The following ADAM10 variants were observed in gnomAD, a reference collection of about 807,000 sequenced individuals.
ADAM10 encodes disintegrin and metalloproteinase domain-containing protein 10.
In ADAM10, 17 loss-of-function variants were observed where a neutral mutation model predicts 90.1. That is an observed-to-expected ratio of 0.19 (90% CI 0.13 to 0.28). The LOEUF is 0.28. Ranked by LOEUF, ADAM10 falls within the 10% of genes least tolerant of loss-of-function variation. The pLI, the probability that ADAM10 is intolerant of heterozygous loss-of-function variation, is 1.00. For synonymous variants in ADAM10, 310 were observed against 298.6 expected, an observed-to-expected ratio of 1.04 and a Z score of -0.40; for missense variants, 610 against 914.3, an observed-to-expected ratio of 0.67 and a Z score of 4.29.
chr15:58,629,175 A>C (rs1357513680), intron 9 of ADAM10: 1 of 152,230 alleles, frequency 6.6e-6, no homozygotes, highest in African/African-American at 2.4e-5. Flanking sequence ...AGTAAATATT[A>C]ATGAATGTCC....
chr15:58,641,021 T>C, intron 7 of ADAM10, 61 bp from the exon 8 acceptor site: 1 of 1,454,662 alleles, frequency 6.9e-7, no homozygotes, highest in East Asian at 2.3e-5. Context: ...AGTGTGAATG[T>C]CTGCTCACCT....
At chr15:58,629,508 G>A in intron 9 of ADAM10, 1 of 152,096 alleles carries the variant, frequency 6.6e-6, no homozygotes, top group Non-Finnish European at 1.5e-5. Flanking sequence ...AGAACATAAA[G>A]GCCATCTTGA....
At chr15:58,719,125 AC>A (rs1484310300) in intron 1 of ADAM10, among the ~76,000 whole-genome samples, 43 of 152,154 alleles carry the variant, frequency 2.8e-4, no homozygotes, top group African/African-American at 8.4e-4. Flanking sequence ...GGAGTTCGAG[AC>A]CAGCCTGACC....
chr15:58,597,763 T>C (rs1894997792), intron 15 of ADAM10, 122 bp from the exon 16 acceptor site: 5 of 964,088 alleles, frequency 5.2e-6, no homozygotes, highest in Non-Finnish European at 6.0e-6. Flanking sequence ...ATATGGGCCA[T>C]CAATGTAATT....
chr15:58,668,498 G>A lies in ADAM10; in HGVS notation c.485-3301C>T, dbSNP rs183309029. Reference sequence around the variant, plus strand: ...CTGAAAAGAAATATTGTTGCAGCCAGAGTAATAGGGCTGAGGCTTCTCCTG... The same window carrying A: ...CTGAAAAGAAATATTGTTGCAGCCAAAGTAATAGGGCTGAGGCTTCTCCTG... On this transcript the variant is annotated intron_variant, in intron 4 of 15. Coordinates refer to ENST00000260408, the MANE Select transcript of ADAM10 (RefSeq NM_001110.4). 1.5e-3 allele frequency among the ~76,000 whole-genome samples: 224 copies of A among 152,234 alleles called. 1 individual carries two copies. Among genetic ancestry groups the A allele is most frequent in the African/African-American group, 5.0e-3 (207 of 41,546 alleles).
At chr15:58,711,816 AACAG>A (rs1403976551) in intron 2 of ADAM10, among the ~76,000 whole-genome samples, 9 of 152,362 alleles carry the variant, frequency 5.9e-5, no homozygotes, top group East Asian at 5.8e-4. Flanking sequence ...ACTATATCAT[AACAG>A]ACAATCGTTT....
At chr15:58,748,572 G>C (rs1055788278) in intron 1 of ADAM10, 13 of 205,824 alleles carry the variant, frequency 6.3e-5, no homozygotes, top group African/African-American at 3.0e-4. Context: ...TCATGTGCAG[G>C]GGGGAGGGGG....
At chr15:58,699,616 T>A (rs1278708013) in intron 2 of ADAM10, among the ~76,000 whole-genome samples, 1 of 151,852 alleles carries the variant, frequency 6.6e-6, no homozygotes, top group East Asian at 1.9e-4. Flanking sequence ...CTACAAAAAA[T>A]TTTAAAAATT....
At chr15:58,722,086 TC>T (rs1194206026) in intron 1 of ADAM10, among the ~76,000 whole-genome samples, 1 of 151,432 alleles carries the variant, frequency 6.6e-6, no homozygotes, top group Non-Finnish European at 1.5e-5. Flanking sequence ...ATGCCTGTAA[TC>T]CCAGCACTTT....
chr15:58,671,410 C>G (rs1236484266), intron 4 of ADAM10, among the ~76,000 whole-genome samples: 1 of 152,172 alleles, frequency 6.6e-6, no homozygotes, highest in Non-Finnish European at 1.5e-5. Flanking sequence ...AGTCCTGGAC[C>G]AATGTCCTCA....
intron 1 of ADAM10, among the ~76,000 whole-genome samples, chr15:58,730,305 G>GT (rs1480776903): frequency 3.3e-5 from 5 of 152,174 alleles, no homozygotes; most frequent in African/African-American, 9.7e-5. Flanking sequence ...TAGAAGAAGG[G>GT]TTGGCAAACT....
At chr15:58,623,367 T>G (rs1341895044) in intron 10 of ADAM10, among the ~76,000 whole-genome samples, 1 of 152,188 alleles carries the variant, frequency 6.6e-6, no homozygotes, top group Non-Finnish European at 1.5e-5. Flanking sequence ...CCAGGGATGT[T>G]GCTGTGGAGG....
intron 5 of ADAM10, among the ~76,000 whole-genome samples, chr15:58,649,640 T>A (rs112069304): frequency 2.4e-3 from 365 of 152,308 alleles, no homozygotes; most frequent in Middle Eastern, 0.017. Flanking sequence ...TTTAACTGCT[T>A]CCAATGAGAA....
intron 8 of ADAM10, among the ~76,000 whole-genome samples, chr15:58,636,639 T>C (rs1334118926): frequency 3.3e-5 from 5 of 152,284 alleles, no homozygotes; most frequent in African/African-American, 1.2e-4. Context: ...CAAAGAAGTA[T>C]AATGACAATT....
At position 58,665,297 on chromosome 15, in the gene ADAM10, A is replaced by G; in HGVS notation, c.485-100T>C. ...AAAATTTAACTGTCTTAACTAATGA[A>G]AACCATAAATGCTTATTAAGCACCT... On this transcript the variant is annotated intron_variant, in intron 4 of 15. Coordinates refer to ENST00000260408, the MANE Select transcript of ADAM10 (RefSeq NM_001110.4). 1.0e-5 allele frequency: 10 copies of G among 957,640 alleles called. No individual in the cohort carries two copies. The South Asian group carries it at 1.3e-4, about 12-fold the overall frequency. The allele number at this position is 957,640 out of a possible 1,614,324, so 59.3% of individuals were successfully genotyped here. A position where few individuals can be genotyped will look rare whatever the true frequency, so the allele number is the denominator to read the frequency against.
chr15:58,731,461 C>A (rs1212950904), intron 1 of ADAM10, among the ~76,000 whole-genome samples: 3 of 151,082 alleles, frequency 2.0e-5, no homozygotes, highest in African/African-American at 4.9e-5. Flanking sequence ...TCAACAACAA[C>A]AAAAAAAATA....
intron 2 of ADAM10, among the ~76,000 whole-genome samples, chr15:58,702,213 A>G (rs1190837292): frequency 2.6e-5 from 4 of 152,148 alleles, no homozygotes; most frequent in African/African-American, 9.7e-5. Context: ...CAAACATCCC[A>G]TGTTCTCACT....
chr15:58,650,882 A>G (rs935766740), intron 5 of ADAM10, among the ~76,000 whole-genome samples: 3 of 152,070 alleles, frequency 2.0e-5, no homozygotes, highest in African/African-American at 7.2e-5. Flanking sequence ...AATTTTATAC[A>G]TTGTGAAAGC....
At chr15:58,619,794 C>T (rs1450556081) in intron 11 of ADAM10, among the ~76,000 whole-genome samples, 2 of 151,862 alleles carry the variant, frequency 1.3e-5, no homozygotes, top group Non-Finnish European at 2.9e-5. Context: ...GTCCCAGCTA[C>T]TTGGGAGGCT....
Sources: allele counts gnomAD v4.1 joint callset (sites outside exome capture counted in the v4.1 genomes callset), GRCh38; gene constraint gnomAD v4.1.1; transcripts MANE v1.5; gene names NCBI Gene and HGNC (gene_info 2026-07-23, HGNC 2026-07-21).